Variants in KIAA1755 observed in about 807,000 individuals in gnomAD.
KIAA1755 encodes uncharacterized protein KIAA1755.
A neutral mutation model predicts 91.7 loss-of-function variants in KIAA1755; 68 were observed. That is an observed-to-expected ratio of 0.74 (90% confidence interval 0.61 to 0.91). KIAA1755 has a LOEUF of 0.91. Among genes scored for constraint, KIAA1755 ranks in the 40% least tolerant of loss-of-function variants. KIAA1755 has a pLI of 0.00. For missense variants in KIAA1755, 1,535 were observed against 1,494.4 expected, an observed-to-expected ratio of 1.03 and a Z score of -0.45; for synonymous variants, 610 against 604.6, an observed-to-expected ratio of 1.01 and a Z score of -0.13.
rs755952060 is a variant in KIAA1755, at chr20:38,241,066, C to T, written c.1065G>A (p.Lys355=). The change falls in exon 3 of 14, where the codon AAG becomes AAA. Residue 355 remains lysine (K), a synonymous_variant. Transcript: ENST00000279024. ...ERPYNLGFRR[K]VNLKAPTHNS... is the part of the protein sequence containing the mutation. ...TGTGGGTGGGTGCTTTAAGATTGAC[C>T]TTTCTCCTGAAGCCCAAATTATAGG... 3.0e-5 allele frequency: 48 copies of T among 1,614,148 alleles called. No individual in the cohort carries two copies. In the East Asian group the frequency reaches 1.0e-3, roughly 34 times the overall value.
intron 3 of KIAA1755, among the ~76,000 whole-genome samples, chr20:38,240,083 TTTCCTTCC>T (rs147706141): frequency 2.0e-5 from 3 of 151,822 alleles, no homozygotes; most frequent in Non-Finnish European, 2.9e-5. Context: ...TCCTTCCTTC[TTTCCTTCC>T]TTCCTTCCTT....
At chr20:38,232,186 C>T (rs1255069877) in intron 4 of KIAA1755, among the ~76,000 whole-genome samples, 2 of 152,244 alleles carry the variant, frequency 1.3e-5, no homozygotes, top group East Asian at 3.8e-4. Context: ...ACGTGGGCAC[C>T]ACCCTCTGCA....
Position 38,213,523 on chromosome 20 carries a change from T to A in KIAA1755, c.3122A>T (p.His1041Leu), listed in dbSNP as rs1037416540. Residue 1041 changes from histidine (H) to leucine (L), a missense_variant, in exon 14 of 14, where the codon CAT (histidine) becomes CTT (leucine). Transcript: ENST00000279024. ...QELWEEARIR[H>L]EEIRMLLEKA... is the part of the protein sequence containing the mutation. ...CTCCAGGAGCATCCGGATCTCCTCATGCCTGATCCGGGCCTCCTCCCATAG... is the reference window on the plus strand; with the variant it reads ...CTCCAGGAGCATCCGGATCTCCTCAAGCCTGATCCGGGCCTCCTCCCATAG... The A allele has an allele frequency of 9.9e-6, 16 of 1,610,820 alleles. No homozygotes were observed. The highest frequency in any genetic ancestry group is 1.3e-5 in the Non-Finnish European group (15 of 1,179,094).
chr20:38,255,682 T>C (rs2076329344), intron 1 of KIAA1755, among the ~76,000 whole-genome samples: 1 of 152,202 alleles, frequency 6.6e-6, no homozygotes, highest in African/African-American at 2.4e-5. Flanking sequence ...AAGTCCTTTT[T>C]ATTTTTGTGT....
chr20:38,218,203 C>T (rs370451863), intron 12 of KIAA1755, 41 bp downstream of exon 12: 4 of 1,613,148 alleles, frequency 2.5e-6, no homozygotes, highest in Non-Finnish European at 3.4e-6. Context: ...AACGCCCTCT[C>T]CATCTGCTCC....
chr20:38,252,992 C>T (rs1353314290), intron 1 of KIAA1755, among the ~76,000 whole-genome samples: 6 of 152,198 alleles, frequency 3.9e-5, no homozygotes, highest in Admixed American at 2.6e-4. Flanking sequence ...AAACACCAGA[C>T]GTGGGCCCCT....
chr20:38,220,661 C>T (rs1388649232), intron 10 of KIAA1755, among the ~76,000 whole-genome samples: 1 of 152,178 alleles, frequency 6.6e-6, no homozygotes, highest in Admixed American at 6.5e-5. Flanking sequence ...CAGGGACAGC[C>T]AGGGCAGAGA....
At chr20:38,230,907 A>G (rs1315488482) in intron 5 of KIAA1755, among the ~76,000 whole-genome samples, 1 of 151,618 alleles carries the variant, frequency 6.6e-6, no homozygotes, top group African/African-American at 2.4e-5. Context: ...AAAAAAAATG[A>G]AAACCACTGA....
chr20:38,260,523 G>T lies in KIAA1755; in HGVS notation c.-23C>A. 6.7e-7 allele frequency: 1 copy of T among 1,481,548 alleles called. No individual in the cohort carries two copies. The allele number at this position is 1,481,548 out of a possible 1,614,324, so 91.8% of individuals were successfully genotyped here. On this transcript the variant is annotated 5_prime_UTR_variant, in exon 1 of 14. Coordinates refer to ENST00000279024, the MANE Select transcript of KIAA1755 (RefSeq NM_001029864.2). ...CATGGTGACGGGCTGCCAGCGGCGG[G>T]CGGCGCGGCTCCTCTCCTGGGCGCG...
chr20:38,252,174 A>G (rs1290289615), intron 1 of KIAA1755, among the ~76,000 whole-genome samples: 1 of 152,220 alleles, frequency 6.6e-6, no homozygotes, highest in Non-Finnish European at 1.5e-5. Flanking sequence ...TAGACACACA[A>G]GGAGCTAATT....
intron 1 of KIAA1755, among the ~76,000 whole-genome samples, chr20:38,248,102 G>A (rs2076187966): frequency 6.6e-6 from 1 of 152,148 alleles, no homozygotes; most frequent in African/African-American, 2.4e-5. Flanking sequence ...GGTGATGCAT[G>A]CCTGTAATCC....
In KIAA1755 at chr20:38,241,202, C is replaced by G; in HGVS notation, c.929G>C (p.Gly310Ala). The G allele has an allele frequency of 6.2e-7, 1 of 1,614,140 alleles. No homozygotes were observed. Among genetic ancestry groups the G allele is most frequent in the Non-Finnish European group, 8.5e-7 (1 of 1,180,032 alleles). Residue 310 changes from glycine (G) to alanine (A), a missense_variant, in exon 3 of 14, where the codon GGA (glycine) becomes GCA (alanine). Transcript: ENST00000279024. Reference sequence around the variant, plus strand: ...TTGAAATAAGGGAGTTTCCTTAGTTCCAGCTATCTCCTCTAGTGCCCCAGA... The same window carrying G: ...TTGAAATAAGGGAGTTTCCTTAGTTGCAGCTATCTCCTCTAGTGCCCCAGA... ...CTSGALEEIAGTKETPLFQKI... is the reference protein window; with the variant it reads ...CTSGALEEIAATKETPLFQKI...
intron 1 of KIAA1755, among the ~76,000 whole-genome samples, chr20:38,257,508 G>C (rs750090443): frequency 6.6e-6 from 1 of 151,384 alleles, no homozygotes; most frequent in Non-Finnish European, 1.5e-5. Flanking sequence ...TTAAACCTGG[G>C]AGGCAGAGAT....
chr20:38,218,391 A>G (rs375205677), intron 11 of KIAA1755, 25 bp from the exon 12 acceptor site: 1 of 1,613,112 alleles, frequency 6.2e-7, no homozygotes, highest in African/African-American at 1.3e-5. Context: ...GCAGATTTGG[A>G]CATGAGGGGC....
At chr20:38,225,395 T>C (rs2075737534) in intron 8 of KIAA1755, among the ~76,000 whole-genome samples, 1 of 152,198 alleles carries the variant, frequency 6.6e-6, no homozygotes, top group Non-Finnish European at 1.5e-5. Flanking sequence ...GTACTATTAT[T>C]ATCCCCTGTT....
At chr20:38,260,168 A>C (rs1408233219) in intron 1 of KIAA1755, 1 of 1,370,302 alleles carries the variant, frequency 7.3e-7, no homozygotes, top group Non-Finnish European at 9.5e-7. Context: ...TTCCAAAACA[A>C]ACATGCAAAA....
intron 3 of KIAA1755, 107 bp from the exon 4 acceptor site, chr20:38,239,832 T>TATTA: frequency 9.6e-7 from 1 of 1,038,496 alleles, no homozygotes. Flanking sequence ...TTACAACTAT[T>TATTA]GATCTCTCCC....
intron 1 of KIAA1755, among the ~76,000 whole-genome samples, chr20:38,250,369 G>A (rs1029314121): frequency 5.9e-5 from 9 of 152,034 alleles, no homozygotes; most frequent in African/African-American, 1.9e-4. Context: ...TCAAGATTGG[G>A]TGTATTGAGG....
intron 1 of KIAA1755, 169 bp downstream of exon 1, chr20:38,260,329 C>G (rs1218213454): frequency 1.3e-6 from 2 of 1,559,440 alleles, no homozygotes; most frequent in African/African-American, 2.7e-5. Flanking sequence ...GGGCTCCTGC[C>G]CTTGAACCCC....
Sources: gnomAD v4.1 joint callset for allele counts (sites outside exome capture counted in the v4.1 genomes callset) on GRCh38, gnomAD v4.1.1 for gene constraint, MANE v1.5 for transcripts, NCBI Gene and HGNC (gene_info 2026-07-23, HGNC 2026-07-21) for gene names.